IL1RAPL1: variants seen among roughly 807,000 people sequenced by gnomAD.
IL1RAPL1 encodes the protein interleukin 1 receptor accessory protein like 1.
Under a neutral mutation model 48.4 loss-of-function variants are expected in IL1RAPL1, and 3 were observed. The observed-to-expected ratio is 0.06, with a 90% CI of 0.03 to 0.16. IL1RAPL1 has a LOEUF of 0.16. IL1RAPL1 is among the 10% of genes least tolerant of loss of function. The pLI is 1.00. For missense variants in IL1RAPL1, 349 were observed against 530.6 expected (o/e 0.66, Z 3.36); for synonymous variants, 185 against 187.7 (o/e 0.99, Z 0.12).
chrX:29,882,158 C>A (rs1285017983), intron 6 of IL1RAPL1, among the ~76,000 whole-genome samples: 1 of 111,592 alleles, frequency 9.0e-6, no homozygotes, highest in Non-Finnish European at 1.9e-5. Flanking sequence ...CTGTATTCAC[C>A]ACCTTTATTT....
chrX:29,380,381 C>T (rs1474389873), intron 3 of IL1RAPL1, among the ~76,000 whole-genome samples: 1 of 111,964 alleles, frequency 8.9e-6, no homozygotes, highest in African/African-American at 3.2e-5. Flanking sequence ...GCATGCGTCA[C>T]CACGCCCTGC....
At chrX:28,871,710 G>GT (rs1438920391) in intron 2 of IL1RAPL1, among the ~76,000 whole-genome samples, 1 of 111,730 alleles carries the variant, frequency 9.0e-6, no homozygotes, top group Non-Finnish European at 1.9e-5. Flanking sequence ...AGGAATGTAC[G>GT]TTTTATCAGC....
chrX:29,550,347 A>G (rs776115704), intron 5 of IL1RAPL1, among the ~76,000 whole-genome samples: 13 of 110,220 alleles, frequency 1.2e-4, no homozygotes, highest in Admixed American at 4.8e-4. Flanking sequence ...GCCCGCCACC[A>G]CGCCCGGCTA....
chrX:28,703,177 C>T (rs949525586), intron 1 of IL1RAPL1, among the ~76,000 whole-genome samples: 1 of 111,245 alleles, frequency 9.0e-6, no homozygotes, highest in Non-Finnish European at 1.9e-5. Context: ...TACTTTCTAC[C>T]TGTGTGGCCC....
chrX:29,707,294 G>A (rs1011147316), intron 6 of IL1RAPL1, among the ~76,000 whole-genome samples: 2 of 111,553 alleles, frequency 1.8e-5, no homozygotes, highest in Admixed American at 9.5e-5. Context: ...AAAAATAGTT[G>A]TTGGCATTGA....
chrX:28,854,067 A>T (rs1297341969), intron 2 of IL1RAPL1, among the ~76,000 whole-genome samples: 1 of 112,136 alleles, frequency 8.9e-6, no homozygotes, highest in African/African-American at 3.2e-5. Flanking sequence ...CAGAGGTATC[A>T]CAAGAGATAT....
At chrX:29,615,451 G>A (rs751608813) in intron 5 of IL1RAPL1, among the ~76,000 whole-genome samples, 1 of 110,887 alleles carries the variant, frequency 9.0e-6, no homozygotes, top group African/African-American at 3.3e-5. Flanking sequence ...GGAGAAAAAA[G>A]TTCTCTGCTA....
chrX:28,656,745 G>A (rs993012492), intron 1 of IL1RAPL1, among the ~76,000 whole-genome samples: 4 of 111,648 alleles, frequency 3.6e-5, no homozygotes, highest in African/African-American at 1.3e-4. Context: ...AAGATTTTAC[G>A]GCCGGGCGTG....
chrX:28,618,383 T>C (rs1032689527), intron 1 of IL1RAPL1, among the ~76,000 whole-genome samples: 1 of 112,569 alleles, frequency 8.9e-6, no homozygotes, highest in Non-Finnish European at 1.9e-5. Flanking sequence ...AATATTTGGG[T>C]TAAGTTAATA....
intron 3 of IL1RAPL1, among the ~76,000 whole-genome samples, chrX:29,353,446 C>G (rs1338248976): frequency 9.0e-6 from 1 of 111,411 alleles, no homozygotes; most frequent in Non-Finnish European, 1.9e-5. Flanking sequence ...CCATATAAAT[C>G]AGGGCTGATT....
intron 2 of IL1RAPL1, among the ~76,000 whole-genome samples, chrX:28,899,985 A>C (rs1419372340): frequency 8.9e-6 from 1 of 112,297 alleles, no homozygotes; most frequent in East Asian, 2.8e-4. Context: ...TTACTGACCA[A>C]TTCTGGGCAG....
chrX:28,723,980 C>A (rs1463077703), intron 1 of IL1RAPL1, among the ~76,000 whole-genome samples: 1 of 111,607 alleles, frequency 9.0e-6, no homozygotes, highest in Non-Finnish European at 1.9e-5. Flanking sequence ...AATTTCTGTT[C>A]TTTTACATTT....
At chrX:29,470,823 G>A (rs1237992625) in intron 5 of IL1RAPL1, among the ~76,000 whole-genome samples, 1 of 110,015 alleles carries the variant, frequency 9.1e-6, no homozygotes, top group African/African-American at 3.3e-5. Context: ...GCATAGACAG[G>A]GTCTTCTCTA....
At chrX:29,529,814 AAAGAGAG>A (rs1935595172) in intron 5 of IL1RAPL1, among the ~76,000 whole-genome samples, 1 of 111,355 alleles carries the variant, frequency 9.0e-6, no homozygotes, top group South Asian at 3.8e-4. Flanking sequence ...ATTGTGTGTG[AAAGAGAG>A]AGAAAGGGAA....
intron 3 of IL1RAPL1, among the ~76,000 whole-genome samples, chrX:29,386,114 C>T (rs1396503632): frequency 8.9e-6 from 1 of 111,885 alleles, no homozygotes; most frequent in African/African-American, 3.3e-5. Flanking sequence ...ACTGCAACCT[C>T]CGCCTCCTGG....
chrX:29,893,043 G>GATCTT (rs752727086), intron 6 of IL1RAPL1, among the ~76,000 whole-genome samples: 1 of 111,563 alleles, frequency 9.0e-6, no homozygotes, highest in African/African-American at 3.3e-5. Flanking sequence ...TCACCTAGTA[G>GATCTT]ATCTTATCTT....
At chrX:29,882,070 A>G (rs1248972811) in intron 6 of IL1RAPL1, among the ~76,000 whole-genome samples, 1 of 111,952 alleles carries the variant, frequency 8.9e-6, no homozygotes, top group Non-Finnish European at 1.9e-5. Context: ...GATTATTTCA[A>G]TTATATAGCA....
chrX:29,341,214 A>AC (rs199937936), intron 3 of IL1RAPL1, among the ~76,000 whole-genome samples: 15,463 of 110,520 alleles, frequency 0.14, 800 homozygotes, highest in East Asian at 0.25. Flanking sequence ...ACATGTTACC[A>AC]CCCCCTTCTG....
intron 6 of IL1RAPL1, among the ~76,000 whole-genome samples, chrX:29,719,130 A>G (rs1446649046): frequency 9.0e-6 from 1 of 111,291 alleles, no homozygotes; most frequent in Non-Finnish European, 1.9e-5. Flanking sequence ...GGTATTTAGT[A>G]AGATCTTTTG....
Sources: gnomAD v4.1 joint callset for allele counts (sites outside exome capture counted in the v4.1 genomes callset) on GRCh38, gnomAD v4.1.1 for gene constraint, MANE v1.5 for transcripts, NCBI Gene and HGNC (gene_info 2026-07-23, HGNC 2026-07-21) for gene names.